TOPBP1: variants seen among roughly 807,000 people sequenced by gnomAD.
The protein encoded by TOPBP1 is DNA topoisomerase 2-binding protein 1.
In TOPBP1, 28 loss-of-function variants were observed where a neutral mutation model predicts 167.7. That is an observed-to-expected ratio of 0.17 (90% CI 0.12 to 0.23). The LOEUF (loss-of-function observed/expected upper bound fraction) is 0.23. Among genes scored for constraint, TOPBP1 ranks in the 10% least tolerant of loss-of-function variants. The pLI is 1.00. For synonymous variants in TOPBP1, 598 were observed against 611.4 expected (o/e 0.98, Z 0.32); for missense variants, 1,554 against 1,809.6 (o/e 0.86, Z 2.56).
rs1934654842 is a variant in TOPBP1 at position 133,610,985 on chromosome 3, T to C, written c.4173+19A>G. On this transcript the variant is annotated intron_variant, in intron 25 of 27. Transcript: ENST00000260810. The stretch of plus-strand genomic sequence containing the variant: ...TATTGAATGCTATTTGTATTACCTA[T>C]ATAATTGTGTTTTAATACCTCAACA... 2 of 1,605,812 alleles carry C rather than the reference T, an allele frequency of 1.2e-6. No individual in the cohort carries two copies. The highest frequency in any genetic ancestry group is 2.2e-5 in the East Asian group (1 of 44,784).
chr3:133,649,240 A>T, intron 10 of TOPBP1, 143 bp downstream of exon 10: 3 of 1,181,850 alleles, frequency 2.5e-6, no homozygotes, highest in Non-Finnish European at 3.4e-6. Flanking sequence ...CTGCTCAGAA[A>T]AAAAGTTATG....
chr3:133,612,346 T>C, intron 24 of TOPBP1, 43 bp downstream of exon 24: 6 of 1,607,256 alleles, frequency 3.7e-6, no homozygotes, highest in Non-Finnish European at 5.1e-6. Context: ...GGTGGACACT[T>C]GCTTTTAAAG....
At chr3:133,618,529 A>G in intron 20 of TOPBP1, 96 bp from the exon 21 acceptor site, 1 of 1,061,040 alleles carries the variant, frequency 9.4e-7, no homozygotes, top group South Asian at 1.5e-5. Flanking sequence ...GCTCACCTTT[A>G]TATGCCCACC....
At chr3:133,634,276 A>G (rs1479711625) in intron 14 of TOPBP1, among the ~76,000 whole-genome samples, 1 of 152,246 alleles carries the variant, frequency 6.6e-6, no homozygotes, top group Non-Finnish European at 1.5e-5. Context: ...TCAGAGGCCA[A>G]GGCAGGCAGA....
chr3:133,630,037 T>C (rs1935416125), intron 14 of TOPBP1, among the ~76,000 whole-genome samples: 1 of 152,050 alleles, frequency 6.6e-6, no homozygotes, highest in African/African-American at 2.4e-5. Context: ...CCAACCGCCT[T>C]TGACTCCCAA....
intron 27 of TOPBP1, among the ~76,000 whole-genome samples, chr3:133,606,857 T>A (rs1934510127): frequency 6.6e-6 from 1 of 152,170 alleles, no homozygotes; most frequent in Non-Finnish European, 1.5e-5. Context: ...AAAAATTAAT[T>A]TGTAATAGGT....
intron 23 of TOPBP1, among the ~76,000 whole-genome samples, chr3:133,614,705 G>C (rs1275192317): frequency 2.0e-5 from 3 of 151,954 alleles, no homozygotes; most frequent in Non-Finnish European, 4.4e-5. Context: ...CATGAGTTCT[G>C]GGTAAAGCTT....
intron 21 of TOPBP1, among the ~76,000 whole-genome samples, chr3:133,617,889 T>C (rs981974851): frequency 2.7e-5 from 4 of 150,386 alleles, no homozygotes; most frequent in Middle Eastern, 3.4e-3. Flanking sequence ...GAAAATAAGA[T>C]GATAGGAAGA....
intron 14 of TOPBP1, among the ~76,000 whole-genome samples, chr3:133,635,877 C>T (rs1049074438): frequency 6.6e-6 from 1 of 152,074 alleles, no homozygotes; most frequent in Non-Finnish European, 1.5e-5. Flanking sequence ...TAGTAACCAA[C>T]TAAATGCCCA....
chr3:133,652,655 T>G (rs1160647868), intron 7 of TOPBP1, 26 bp from the exon 8 acceptor site: 1 of 1,548,826 alleles, frequency 6.5e-7, no homozygotes, highest in Non-Finnish European at 8.8e-7. Context: ...ACGTATAAAT[T>G]TATGGGAGAT....
At chr3:133,650,588 A>G (rs574151357) in intron 8 of TOPBP1, among the ~76,000 whole-genome samples, 64 of 152,310 alleles carry the variant, frequency 4.2e-4, no homozygotes, top group African/African-American at 1.4e-3. Context: ...ATATATATTT[A>G]AACCAATTTA....
At chr3:133,643,984 T>G in intron 11 of TOPBP1, 36 bp downstream of exon 11, 2 of 1,533,734 alleles carry the variant, frequency 1.3e-6, no homozygotes, top group Non-Finnish European at 1.8e-6. Flanking sequence ...TCAGATATCC[T>G]TCGATACTTT....
chr3:133,637,662 G>A (rs1283160823), intron 14 of TOPBP1, among the ~76,000 whole-genome samples: 2 of 152,150 alleles, frequency 1.3e-5, no homozygotes, highest in Non-Finnish European at 2.9e-5. Flanking sequence ...CTTGAACCCA[G>A]ATGTCCTAAT....
intron 27 of TOPBP1, among the ~76,000 whole-genome samples, chr3:133,604,574 T>C (rs1233477056): frequency 6.6e-6 from 1 of 151,436 alleles, no homozygotes; most frequent in Non-Finnish European, 1.5e-5. Flanking sequence ...AAACAGAAAA[T>C]AGGAAAAGCG....
intron 27 of TOPBP1, among the ~76,000 whole-genome samples, chr3:133,602,503 T>C (rs1934338175): frequency 6.6e-6 from 1 of 152,262 alleles, no homozygotes; most frequent in Non-Finnish European, 1.5e-5. Flanking sequence ...TTTTTTATTT[T>C]AGTTTCCTCA....
intron 19 of TOPBP1, among the ~76,000 whole-genome samples, chr3:133,621,172 C>T (rs1935077111): frequency 6.6e-6 from 1 of 151,992 alleles, no homozygotes; most frequent in Admixed American, 6.6e-5. Flanking sequence ...TTACCACGCC[C>T]AGCTAATTTT....
chr3:133,628,741 T>C lies in TOPBP1; in HGVS notation c.2521-8A>G. On this transcript the variant is annotated splice_polypyrimidine_tract_variant and splice_region_variant and intron_variant, in intron 14 of 27. Coordinates refer to ENST00000260810, the MANE Select transcript of TOPBP1 (RefSeq NM_007027.4). ...CAAGGCTGCAAGTGCATCCTATACA[T>C]ATGAAGGAGAGAGAGAGATGGAGAA... The C allele has an allele frequency of 6.5e-7, 1 of 1,549,878 alleles. No homozygotes were observed.
chr3:133,649,323 A>T (rs1936197340), intron 10 of TOPBP1, 60 bp downstream of exon 10: 5 of 1,545,250 alleles, frequency 3.2e-6, no homozygotes, highest in Non-Finnish European at 8.7e-7. Context: ...TCACATATGT[A>T]CGTATTAGGC....
At chr3:133,610,976 T>C in intron 25 of TOPBP1, 28 bp downstream of exon 25, 2 of 1,585,290 alleles carry the variant, frequency 1.3e-6, no homozygotes, top group Non-Finnish European at 1.7e-6. Flanking sequence ...ATGCTATTTG[T>C]ATTACCTATA....
Sources: allele counts gnomAD v4.1 joint callset (sites outside exome capture counted in the v4.1 genomes callset), GRCh38; gene constraint gnomAD v4.1.1; transcripts MANE v1.5; gene names NCBI Gene and HGNC (gene_info 2026-07-23, HGNC 2026-07-21).